Variants in MAP1B observed in about 807,000 individuals in gnomAD.
MAP1B encodes the protein microtubule-associated protein 1B.
Under a neutral mutation model 176.1 loss-of-function variants are expected in MAP1B, and 12 were observed. The observed-to-expected ratio is 0.07, with a 90% CI of 0.04 to 0.11. The LOEUF is 0.11. Ranked by LOEUF, MAP1B falls within the 10% of genes least tolerant of loss-of-function variation. The pLI is 1.00. For missense variants in MAP1B, 2,523 were observed against 2,990.5 expected (o/e 0.84, Z 3.65); for synonymous variants, 1,044 against 1,135.0 (o/e 0.92, Z 1.61).
chr5:72,144,827 A>G (rs547003027), intron 2 of MAP1B, among the ~76,000 whole-genome samples: 269 of 152,326 alleles, frequency 1.8e-3, no homozygotes, highest in Non-Finnish European at 3.1e-3. Context: ...TCTGAGAGGT[A>G]GTCTAGGCCA....
chr5:72,112,865 A>G (rs1395124545), intron 1 of MAP1B, among the ~76,000 whole-genome samples: 1 of 152,104 alleles, frequency 6.6e-6, no homozygotes, highest in African/African-American at 2.4e-5. Context: ...TTGGGGTGAA[A>G]ATTAGAAAGA....
chr5:72,115,459 CT>C (rs1226630132), intron 1 of MAP1B, among the ~76,000 whole-genome samples: 1 of 152,122 alleles, frequency 6.6e-6, no homozygotes, highest in Non-Finnish European at 1.5e-5. Context: ...GGTGCATTTA[CT>C]TTTTATGAGG....
intron 2 of MAP1B, among the ~76,000 whole-genome samples, chr5:72,153,211 G>A (rs1291687311): frequency 1.3e-5 from 2 of 152,066 alleles, no homozygotes; most frequent in Non-Finnish European, 2.9e-5. Context: ...GAGGCAGCGG[G>A]TTAGCTGTGC....
At chr5:72,157,821 C>G (rs940660956) in intron 2 of MAP1B, among the ~76,000 whole-genome samples, 1 of 152,152 alleles carries the variant, frequency 6.6e-6, no homozygotes, top group Non-Finnish European at 1.5e-5. Context: ...TCAGTAATGC[C>G]TTGCACATAG....
chr5:72,185,435 A>C (rs1215850725), intron 3 of MAP1B, among the ~76,000 whole-genome samples: 1 of 152,138 alleles, frequency 6.6e-6, no homozygotes, highest in Admixed American at 6.5e-5. Flanking sequence ...CTCTACCAAA[A>C]ATACAAAAAA....
intron 2 of MAP1B, among the ~76,000 whole-genome samples, chr5:72,154,322 A>G (rs1746192472): frequency 6.6e-6 from 1 of 152,190 alleles, no homozygotes; most frequent in African/African-American, 2.4e-5. Flanking sequence ...CTTTCCTCCA[A>G]ATGGATATCG....
In MAP1B at chr5:72,193,677, G is replaced by A. The variant is rs186205229; in HGVS notation, c.511-189G>A. Among the ~76,000 whole-genome samples the A allele has an allele frequency of 1.4e-3, 209 of 152,242 alleles. 1 individual carries two copies. The highest frequency in any genetic ancestry group is 4.9e-3 in the African/African-American group (203 of 41,542). ...AGTAGCAGCGGGGCTCAGGACAAAG[G>A]CTGTTCACCTTCCAGTAGGGAAGTA... On this transcript the variant is annotated intron_variant, in intron 4 of 6. Transcript: ENST00000296755.
chr5:72,166,244 C>T (rs1251952303), intron 2 of MAP1B, among the ~76,000 whole-genome samples: 1 of 152,112 alleles, frequency 6.6e-6, no homozygotes, highest in Non-Finnish European at 1.5e-5. Context: ...GCTTCTGTGG[C>T]TTGTACAGAG....
intron 1 of MAP1B, among the ~76,000 whole-genome samples, chr5:72,110,257 T>G (rs541872788): frequency 6.9e-4 from 105 of 152,334 alleles, no homozygotes; most frequent in African/African-American, 2.5e-3. Context: ...CCTGATTTTT[T>G]AATTCCCTAA....
At chr5:72,158,170 G>A (rs1002941178) in intron 2 of MAP1B, among the ~76,000 whole-genome samples, 158 of 151,652 alleles carry the variant, frequency 1.0e-3, no homozygotes, top group African/African-American at 3.6e-3. Context: ...CACCTCGCCC[G>A]GCTAATTTTT....
At chr5:72,192,015 T>C (rs1747035907) in intron 4 of MAP1B, among the ~76,000 whole-genome samples, 2 of 152,220 alleles carry the variant, frequency 1.3e-5, no homozygotes, top group Non-Finnish European at 2.9e-5. Context: ...ATTATACCCT[T>C]GGCTGCCACA....
intron 3 of MAP1B, among the ~76,000 whole-genome samples, chr5:72,184,667 TC>T (rs1284168297): frequency 6.6e-6 from 1 of 152,192 alleles, no homozygotes; most frequent in Non-Finnish European, 1.5e-5. Context: ...CACTCCACTT[TC>T]CACTTCCTTT....
chr5:72,146,565 A>G (rs998098975), intron 2 of MAP1B, among the ~76,000 whole-genome samples: 3 of 152,122 alleles, frequency 2.0e-5, no homozygotes, highest in African/African-American at 7.2e-5. Flanking sequence ...TCCAAGAGGG[A>G]GGCCCTATTA....
chr5:72,186,840 A>G lies in MAP1B; in HGVS notation c.510+86A>G. On this transcript the variant is annotated intron_variant, in intron 4 of 6. Transcript: ENST00000296755. The surrounding 1 kb of genome is among the most constrained non-coding windows in gnomAD (Gnocchi z 4.3). ...TGAGAGCACTGGGGGAGACAAAAGA[A>G]GAAGGGAGGGAACCTCACAGCTCTC... The G allele has an allele frequency of 6.7e-7, 1 of 1,495,894 alleles. No individual in the cohort carries two copies. Among genetic ancestry groups the G allele is most frequent in the Non-Finnish European group, 9.2e-7 (1 of 1,087,400 alleles). The allele number at this position is 1,495,894 out of a possible 1,614,324, so 92.7% of individuals were successfully genotyped here. A position where few individuals can be genotyped will look rare whatever the true frequency, so the allele number is the denominator to read the frequency against.
chr5:72,139,464 A>G (rs1448133228), intron 2 of MAP1B, among the ~76,000 whole-genome samples: 2 of 152,188 alleles, frequency 1.3e-5, no homozygotes, highest in Non-Finnish European at 2.9e-5. Context: ...GGAGTTTGGC[A>G]TTCTGATGCA....
intron 2 of MAP1B, among the ~76,000 whole-genome samples, chr5:72,177,633 G>C (rs1317098651): frequency 6.6e-6 from 1 of 152,154 alleles, no homozygotes; most frequent in Non-Finnish European, 1.5e-5. Context: ...CCACACATTT[G>C]CTTTACCTGC....
At chr5:72,118,087 T>G (rs1163938730) in intron 2 of MAP1B, among the ~76,000 whole-genome samples, 1 of 152,220 alleles carries the variant, frequency 6.6e-6, no homozygotes, top group African/African-American at 2.4e-5. Context: ...TGTTTTTAAG[T>G]GGGTCCAAGT....
intron 4 of MAP1B, among the ~76,000 whole-genome samples, chr5:72,187,235 C>T (rs934801923): frequency 2.6e-5 from 4 of 152,106 alleles, no homozygotes; most frequent in Non-Finnish European, 5.9e-5. Flanking sequence ...ACAAAAGGAG[C>T]CACGTAGGAA....
chr5:72,147,077 C>T (rs1746059854), intron 2 of MAP1B, among the ~76,000 whole-genome samples: 1 of 151,516 alleles, frequency 6.6e-6, no homozygotes, highest in South Asian at 2.1e-4. Context: ...TCTCCTGCCT[C>T]AGCCTCCCAA....
Sources: allele counts gnomAD v4.1 joint callset (sites outside exome capture counted in the v4.1 genomes callset), GRCh38; gene constraint gnomAD v4.1.1; non-coding constraint Gnocchi (gnomAD v3.1); transcripts MANE v1.5; gene names NCBI Gene and HGNC (gene_info 2026-07-23, HGNC 2026-07-21).